The following MYBPC2 variants were observed in gnomAD, a reference collection of about 807,000 sequenced individuals.
The protein encoded by MYBPC2 is myosin binding protein C2.
MYBPC2 carries 122 observed loss-of-function variants against 137.0 expected under a neutral mutation model. The observed-to-expected ratio is 0.89, with a 90% CI of 0.77 to 1.03. The LOEUF is 1.03. MYBPC2 is among the 50% of genes least tolerant of loss of function. The probability of loss-of-function intolerance (pLI) is 0.00; values close to 1 mark genes in which losing one functional copy is unlikely to be tolerated. For synonymous variants in MYBPC2, 626 were observed against 612.3 expected, an observed-to-expected ratio of 1.02 and a Z score of -0.33; for missense variants, 1,500 against 1,534.4, an observed-to-expected ratio of 0.98 and a Z score of 0.37.
At chr19:50,445,790 C>G (rs2039798245) in intron 11 of MYBPC2, 90 bp from the exon 12 acceptor site, 1 of 1,324,156 alleles carries the variant, frequency 7.6e-7, no homozygotes, top group African/African-American at 1.5e-5. Flanking sequence ...CCTTCTGATC[C>G]CTCTGCATGG....
chr19:50,458,751 G>A lies in MYBPC2; in HGVS notation c.2503G>A (p.Ala835Thr). Residue 835 changes from alanine to threonine, a missense_variant, in exon 21 of 28, where the codon GCG (alanine) becomes ACG (threonine). By Grantham distance (58) the Ala-to-Thr change is moderately conservative. Transcript: ENST00000357701. ...LAQPVTIREI[A>T]EPPKIRLPRH... ...CCAGCCGGTCACCATCAGGGAGATT[G>A]CGGGTGCGTGGCCCCTGACCCTGCG... is the stretch of plus-strand genomic sequence containing the variant. 1 of 1,607,176 alleles carries A rather than the reference G, an allele frequency of 6.2e-7. No individual in the cohort carries two copies. Among genetic ancestry groups the A allele is most frequent in the Non-Finnish European group, 8.5e-7 (1 of 1,179,756 alleles).
In MYBPC2 at chr19:50,459,020, G is replaced by T; in HGVS notation, c.2595+14G>T. The T allele has an allele frequency of 6.2e-7, 1 of 1,602,260 alleles. No individual in the cohort carries two copies. Among genetic ancestry groups the T allele is most frequent in the Non-Finnish European group, 8.5e-7 (1 of 1,175,234 alleles). On this transcript the variant is annotated intron_variant, in intron 22 of 27. Coordinates refer to ENST00000357701, the MANE Select transcript of MYBPC2 (RefSeq NM_004533.4). ...GTCCCCTTCCAGGTCAGGGGAGCGG[G>T]GTCACGGGCCGGGGGTCCGCTCTCG... is the stretch of plus-strand genomic sequence containing the variant.
chr19:50,451,064 C>A, intron 14 of MYBPC2, 129 bp downstream of exon 14: 1 of 1,026,898 alleles, frequency 9.7e-7, no homozygotes, highest in Non-Finnish European at 1.4e-6. Context: ...GCGTCTGTCC[C>A]GCTCATGGCT....
Position 50,464,522 on chromosome 19 carries a change from G to C in MYBPC2, c.3405G>C (p.Leu1135=), listed in dbSNP as rs776516048. The change falls in exon 27 of 28, where the codon CTG becomes CTC. Residue 1135 remains leucine, a synonymous_variant. Coordinates refer to ENST00000357701, the MANE Select transcript of MYBPC2 (RefSeq NM_004533.4). ...GCGAGGCGCTGGCTGAGTGCAAGCT[G>C]GAGGTCCGAGGTGAGGGCGTGGCCA... ...ELGEALAECK[L]EVRVPQ 16 of 1,607,394 alleles carry C rather than the reference G, an allele frequency of 1.0e-5. No individual in the cohort carries two copies. The highest frequency in any genetic ancestry group is 1.3e-5 in the African/African-American group (1 of 74,860).
rs562579179 is a variant in MYBPC2, at chr19:50,451,601, A to G, written c.1610-263A>G. On this transcript the variant is annotated intron_variant, in intron 15 of 27. Transcript: ENST00000357701. Reference sequence around the variant, plus strand: ...CTGAGGGAGGAGGGGCTGGGGGCCTAGACTGTAGGGTGTGAGGGAGGAGGG... The same window carrying G: ...CTGAGGGAGGAGGGGCTGGGGGCCTGGACTGTAGGGTGTGAGGGAGGAGGG... Among the ~76,000 whole-genome samples, 10 of 105,358 alleles carry G rather than the reference A, an allele frequency of 9.5e-5. No individual in the cohort carries two copies. In the South Asian group the frequency reaches 3.5e-3, roughly 37 times the overall value. The allele number at this position is 105,358 out of a possible 152,430, so 69.1% of individuals were successfully genotyped here.
Position 50,451,308 on chromosome 19 carries a change from A to G in MYBPC2, c.1608A>G (p.Gln536=), listed in dbSNP as rs777438398. The G allele has an allele frequency of 6.2e-7, 1 of 1,613,434 alleles. No individual in the cohort carries two copies. The highest frequency in any genetic ancestry group is 1.1e-5 in the South Asian group (1 of 91,042). The change falls in exon 15 of 28, where the codon CAA becomes CAG. Residue 536 remains glutamine, a splice_region_variant and synonymous_variant. Transcript: ENST00000357701. ...TCAAGGTGGAGTACGTTCCCAAGCA[A>G]GGTGAGCACCACGGGCTGCGCTGGG... ...LEIKVEYVPK[Q]EPPKIHLDCS...
intron 26 of MYBPC2, 192 bp from the exon 27 acceptor site, chr19:50,464,154 C>A: frequency 1.8e-6 from 1 of 544,736 alleles, no homozygotes; most frequent in Non-Finnish European, 3.3e-6. Context: ...CCACCGTTAC[C>A]CTGTGAAGTG....
At chr19:50,451,085 G>A (rs2039852704) in intron 14 of MYBPC2, 150 bp downstream of exon 14, 1 of 1,015,580 alleles carries the variant, frequency 9.8e-7, no homozygotes, top group South Asian at 1.5e-5. Context: ...GGAGTCAGAA[G>A]ATGGAGGGAG....
rs769025848 is a variant in MYBPC2, at chr19:50,454,259, CT to C, written c.1910-5del. ...AGGGGCCACCTGACTCTCCTGCCCCCTGCAGATGTCCCAGACCCCCCGGAGG... is the reference window on the plus strand; with the variant it reads ...AGGGGCCACCTGACTCTCCTGCCCCCGCAGATGTCCCAGACCCCCCGGAGG... On this transcript the variant is annotated splice_polypyrimidine_tract_variant and splice_region_variant and intron_variant, in intron 17 of 27. Transcript: ENST00000357701. The C allele has an allele frequency of 6.0e-4, 968 of 1,613,876 alleles. 2 individuals carry two copies. The highest frequency in any genetic ancestry group is 9.0e-4 in the South Asian group (82 of 91,082).
intron 5 of MYBPC2, among the ~76,000 whole-genome samples, 159 bp downstream of exon 5, chr19:50,436,893 C>G (rs2039709129): frequency 6.6e-6 from 1 of 151,974 alleles, no homozygotes; most frequent in South Asian, 2.1e-4. Context: ...TATTCAAACT[C>G]AAGGAGACAT....
rs575368718 is a variant in MYBPC2 at position 50,456,945 on chromosome 19, G to A, written c.2338+1301G>A. 1.8e-4 allele frequency among the ~76,000 whole-genome samples: 28 copies of A among 152,254 alleles called. No individual in the cohort carries two copies. The South Asian group carries it at 5.4e-3, about 29-fold the overall frequency. Reference sequence around the variant, plus strand: ...AGCACTGACTTGTGCCCGGCCCAGTGCCATGGCTATGGAGATGTCTCAGAC... The same window carrying A: ...AGCACTGACTTGTGCCCGGCCCAGTACCATGGCTATGGAGATGTCTCAGAC... On this transcript the variant is annotated intron_variant, in intron 20 of 27. Transcript: ENST00000357701.
Position 50,442,226 on chromosome 19 carries a change from A to T in MYBPC2, c.815A>T (p.Asn272Ile), listed in dbSNP as rs1274069159. 2 of 1,603,288 alleles carry T rather than the reference A, an allele frequency of 1.2e-6. No homozygotes were observed. The highest frequency in any genetic ancestry group is 2.3e-5 in the South Asian group (2 of 88,826). The change falls in exon 9 of 28, where the codon AAC (asparagine) becomes ATC (isoleucine). Residue 272 changes from asparagine to isoleucine, a missense_variant. Asn to Ile is a moderately radical substitution (Grantham distance 149). Transcript: ENST00000357701. ...LDPAYQVDRGNKIKLMVEISD... is the reference protein window; with the variant it reads ...LDPAYQVDRGIKIKLMVEISD... ...CCAGCCTACCAAGTGGACAGAGGCA[A>T]CAAGATCAAGTTGATGGTAGAGATC...
intron 8 of MYBPC2, among the ~76,000 whole-genome samples, 200 bp downstream of exon 8, chr19:50,441,276 A>G (rs952552334): frequency 2.6e-5 from 4 of 152,198 alleles, no homozygotes; most frequent in Admixed American, 6.5e-5. Flanking sequence ...GCAGCTTTCC[A>G]TAAGACATGC....
Position 50,436,075 on chromosome 19 carries a change from A to G in MYBPC2, c.260A>G (p.Lys87Arg), listed in dbSNP as rs1273981696. ...GAGCTCCCAGACAAACCGACCATCA[A>G]GTGGTTCAAGGGGAAGTGGCTGGAG... ...GKELPDKPTIKWFKGKWLELG... is the reference protein window; with the variant it reads ...GKELPDKPTIRWFKGKWLELG... The change falls in exon 4 of 28, where the codon AAG becomes AGG. Residue 87 changes from lysine to arginine, a missense_variant. By Grantham distance (26) the Lys-to-Arg change is conservative. Coordinates refer to ENST00000357701, the MANE Select transcript of MYBPC2 (RefSeq NM_004533.4). The G allele has an allele frequency of 1.9e-6, 3 of 1,584,202 alleles. No individual in the cohort carries two copies. Among genetic ancestry groups the G allele is most frequent in the Non-Finnish European group, 2.6e-6 (3 of 1,165,192 alleles).
rs1320638455 is a variant in MYBPC2 at position 50,465,731 on chromosome 19, G to A, written c.3416-464G>A. ...CTGGTGGCACATGCCTGTTGTCCCA[G>A]CTACCTGGGGGGCTGGGGCAGGAGG... On this transcript the variant is annotated intron_variant, in intron 27 of 27. Transcript: ENST00000357701. This position sits in a 1 kb window ranked among gnomAD's most constrained non-coding sequence, Gnocchi z 4.5. 6.6e-6 allele frequency among the ~76,000 whole-genome samples: 1 copy of A among 152,158 alleles called. No individual in the cohort carries two copies. Among genetic ancestry groups the A allele is most frequent in the Non-Finnish European group, 1.5e-5 (1 of 68,024 alleles).
chr19:50,458,868 A>T, intron 21 of MYBPC2, 50 bp from the exon 22 acceptor site: 1 of 1,595,330 alleles, frequency 6.3e-7, no homozygotes, highest in Non-Finnish European at 8.5e-7. Context: ...TGGCCCCTGG[A>T]ATGCGCCCCG....
Position 50,455,508 on chromosome 19 carries a change from A to C in MYBPC2, c.2204-2A>C, listed in dbSNP as rs770774581. The C allele has an allele frequency of 6.2e-7, 1 of 1,611,786 alleles. No individual in the cohort carries two copies. The highest frequency in any genetic ancestry group is 2.2e-5 in the East Asian group (1 of 44,812). ...ATATCCTCTTTTTCTGGATGCTTGC[A>C]GCACCCACGAGTGAACCCCTGCACC... On this transcript the variant is annotated splice_acceptor_variant, in intron 19 of 27. Coordinates refer to ENST00000357701, the MANE Select transcript of MYBPC2 (RefSeq NM_004533.4). LOFTEE classifies it high-confidence loss of function.
chr19:50,451,222 G>T, intron 14 of MYBPC2, 58 bp from the exon 15 acceptor site: 2 of 1,588,398 alleles, frequency 1.3e-6, no homozygotes, highest in Non-Finnish European at 1.7e-6. Context: ...GGCTGTGAAG[G>T]TGGGGTGAGG....
intron 16 of MYBPC2, among the ~76,000 whole-genome samples, chr19:50,452,466 G>GTGTGTGTA (rs1568664568): frequency 4.1e-5 from 6 of 147,102 alleles, no homozygotes; most frequent in Non-Finnish European, 7.5e-5. Flanking sequence ...CTATGTATCT[G>GTGTGTGTA]TGTATGTATG....
Sources: gnomAD v4.1 joint callset for allele counts (sites outside exome capture counted in the v4.1 genomes callset) on GRCh38, gnomAD v4.1.1 for gene constraint, Gnocchi (gnomAD v3.1) non-coding constraint, MANE v1.5 for transcripts, NCBI Gene and HGNC (gene_info 2026-07-23, HGNC 2026-07-21) for gene names.